SLC8A1: variants seen among roughly 807,000 people sequenced by gnomAD.
SLC8A1 encodes sodium/calcium exchanger 1.
Under a neutral mutation model 68.3 loss-of-function variants are expected in SLC8A1, and 18 were observed. The ratio of observed to expected loss-of-function variants is 0.26; its 90% CI spans 0.18 to 0.39. SLC8A1 has a LOEUF of 0.39. Among genes scored for constraint, SLC8A1 ranks in the 10% least tolerant of loss-of-function variants. The pLI is 1.00. For synonymous variants in SLC8A1, 475 were observed against 415.5 expected (o/e 1.14, Z -1.74); for missense variants, 985 against 1,156.7 (o/e 0.85, Z 2.15).
At chr2:40,171,541 G>A (rs1229786822) in intron 4 of SLC8A1, among the ~76,000 whole-genome samples, 1 of 152,150 alleles carries the variant, frequency 6.6e-6, no homozygotes, top group Non-Finnish European at 1.5e-5. Flanking sequence ...CATAATGATG[G>A]AATTTATTAG....
intron 2 of SLC8A1, among the ~76,000 whole-genome samples, chr2:40,424,676 C>CTGG (rs1355626547): frequency 6.6e-6 from 1 of 151,794 alleles, no homozygotes; most frequent in African/African-American, 2.4e-5. Context: ...CTAGGAACCT[C>CTGG]TGGTAAGCTG....
intron 2 of SLC8A1, among the ~76,000 whole-genome samples, chr2:40,395,074 CA>C (rs1559509060): frequency 6.6e-6 from 1 of 152,146 alleles, no homozygotes; most frequent in African/African-American, 2.4e-5. Flanking sequence ...GTCCAGAAAA[CA>C]GGGACTAACT....
chr2:40,108,134 A>G (rs1344516059), exon 8 of SLC8A1: 2 of 152,240 alleles, frequency 1.3e-5, no homozygotes, highest in Admixed American at 6.5e-5. Flanking sequence ...AGCCTTTCAT[A>G]AATGAAATTG....
intron 2 of SLC8A1, among the ~76,000 whole-genome samples, chr2:40,402,314 C>T (rs1028396505): frequency 6.6e-6 from 1 of 152,174 alleles, no homozygotes; most frequent in East Asian, 1.9e-4. Flanking sequence ...AGGGAGAACC[C>T]TCAGTTCCAA....
At chr2:40,470,046 T>TAG (rs1703913325) in intron 1 of SLC8A1, among the ~76,000 whole-genome samples, 1 of 152,172 alleles carries the variant, frequency 6.6e-6, no homozygotes, top group Non-Finnish European at 1.5e-5. Flanking sequence ...TTCCCTAAAG[T>TAG]TCAGTTTCAA....
At chr2:40,308,273 CT>C (rs2073035200) in intron 2 of SLC8A1, among the ~76,000 whole-genome samples, 1 of 152,128 alleles carries the variant, frequency 6.6e-6, no homozygotes. Context: ...GTGATATAAA[CT>C]TAATAGGATA....
intron 2 of SLC8A1, among the ~76,000 whole-genome samples, chr2:40,410,784 T>G (rs1691875406): frequency 6.6e-6 from 1 of 152,094 alleles, no homozygotes; most frequent in African/African-American, 2.4e-5. Flanking sequence ...CATGTCATTT[T>G]CTTATTAAAA....
At chr2:40,121,532 T>G (rs1431756981) in intron 7 of SLC8A1, among the ~76,000 whole-genome samples, 7 of 152,170 alleles carry the variant, frequency 4.6e-5, no homozygotes, top group African/African-American at 1.7e-4. Flanking sequence ...ATTCTCCTAT[T>G]TTTTTAAACC....
intron 2 of SLC8A1, among the ~76,000 whole-genome samples, chr2:40,382,031 T>A (rs1380727025): frequency 6.6e-6 from 1 of 152,212 alleles, no homozygotes; most frequent in East Asian, 1.9e-4. Flanking sequence ...CTGACAATAA[T>A]CATTGTTTCA....
At position 40,148,211 on chromosome 2, in the gene SLC8A1, G is replaced by A. The variant is rs950069121; in HGVS notation, c.2162-8535C>T. Among the ~76,000 whole-genome samples, 3 of 152,192 alleles carry A rather than the reference G, an allele frequency of 2.0e-5. No individual in the cohort carries two copies. The South Asian group carries it at 6.2e-4, about 32-fold the overall frequency. Reference sequence around the variant, plus strand: ...TGTTCTTTCAGAGAATGAATGGCTGGCTCAATTTTATTCTTCCTGGAATTT... The same window carrying A: ...TGTTCTTTCAGAGAATGAATGGCTGACTCAATTTTATTCTTCCTGGAATTT... On this transcript the variant is annotated intron_variant, in intron 6 of 7. Coordinates refer to ENST00000406785, the Ensembl canonical transcript of SLC8A1.
chr2:40,184,803 C>G lies in SLC8A1; in HGVS notation c.1809-6948G>C, dbSNP rs528742940. 2.7e-5 allele frequency among the ~76,000 whole-genome samples: 4 copies of G among 149,378 alleles called. No homozygotes were observed. In the East Asian group the frequency reaches 8.0e-4, roughly 30 times the overall value. On this transcript the variant is annotated intron_variant, in intron 2 of 7. Transcript: ENST00000406785. ...GCATGAACCTGGCAAGTTCTCTGAC[C>G]ACAAGGAGTTTGAAATTTAATCCAC...
At chr2:40,175,495 T>C (rs766153104) in intron 3 of SLC8A1, among the ~76,000 whole-genome samples, 39 of 134,352 alleles carry the variant, frequency 2.9e-4, no homozygotes, top group Non-Finnish European at 6.5e-4. Flanking sequence ...TGTGATTGAA[T>C]ACATACGTAT....
intron 2 of SLC8A1, among the ~76,000 whole-genome samples, chr2:40,217,018 C>T (rs1009901559): frequency 7.2e-5 from 11 of 152,278 alleles, no homozygotes; most frequent in African/African-American, 2.6e-4. Context: ...TCCCATTTCT[C>T]AATTTTGACT....
intron 2 of SLC8A1, among the ~76,000 whole-genome samples, chr2:40,281,220 T>C (rs144687200): frequency 2.0e-5 from 3 of 152,122 alleles, no homozygotes; most frequent in African/African-American, 7.2e-5. Flanking sequence ...AAGAATTTCA[T>C]TCCTGAGACA....
In SLC8A1 at chr2:40,402,503, G is replaced by A. The variant is rs139404419; in HGVS notation, c.1808+25970C>T. On this transcript the variant is annotated intron_variant, in intron 2 of 7. Coordinates refer to ENST00000406785, the Ensembl canonical transcript of SLC8A1. ...TGCTTTCACTTTATGTATTTGCCCC[G>A]AATTCTTTCTTGCACAAGGTCCAAG... Among the ~76,000 whole-genome samples the A allele has an allele frequency of 3.7e-4, 56 of 152,158 alleles. No homozygotes were observed. The East Asian group carries it at 0.01, about 27-fold the overall frequency.
At chr2:40,241,876 T>G (rs2061268359) in intron 2 of SLC8A1, among the ~76,000 whole-genome samples, 1 of 91,242 alleles carries the variant, frequency 1.1e-5, no homozygotes, top group Non-Finnish European at 3.5e-5. Context: ...AAAATAGATA[T>G]CAGTTTTTTT....
intron 2 of SLC8A1, among the ~76,000 whole-genome samples, chr2:40,297,678 C>T (rs1421962862): frequency 2.6e-5 from 4 of 152,110 alleles, no homozygotes; most frequent in African/African-American, 7.2e-5. Context: ...ATTTTTCATC[C>T]AGCTGTTTAC....
At chr2:40,417,713 G>A (rs367676365) in intron 2 of SLC8A1, among the ~76,000 whole-genome samples, 1 of 152,130 alleles carries the variant, frequency 6.6e-6, no homozygotes, top group East Asian at 1.9e-4. Context: ...CAAAGCGTGG[G>A]CCTTTAGTCT....
chr2:40,395,363 A>T (rs563500076), intron 2 of SLC8A1, among the ~76,000 whole-genome samples: 31 of 152,212 alleles, frequency 2.0e-4, no homozygotes, highest in African/African-American at 7.2e-4. Flanking sequence ...ATTCCTGTAA[A>T]CATACCTATC....
Sources: gnomAD v4.1 joint callset for allele counts (sites outside exome capture counted in the v4.1 genomes callset) on GRCh38, gnomAD v4.1.1 for gene constraint, MANE v1.5 for transcripts, NCBI Gene and HGNC (gene_info 2026-07-23, HGNC 2026-07-21) for gene names.